ENTPD4: variants seen among roughly 807,000 people sequenced by gnomAD.
The protein encoded by ENTPD4 is ectonucleoside triphosphate diphosphohydrolase 4, also known as Golgi UDPase.
ENTPD4 carries 60 observed loss-of-function variants against 79.1 expected under a neutral mutation model. The ratio of observed to expected loss-of-function variants is 0.76; its 90% CI spans 0.62 to 0.94. The LOEUF is 0.94. Ranked by LOEUF, ENTPD4 falls within the 40% of genes least tolerant of loss-of-function variation. The pLI is 0.00. For missense variants in ENTPD4, 772 were observed against 775.1 expected, an observed-to-expected ratio of 1.00 and a Z score of 0.05; for synonymous variants, 276 against 292.0, an observed-to-expected ratio of 0.95 and a Z score of 0.56.
chr8:23,436,964 G>C lies in ENTPD4; in HGVS notation c.1344C>G (p.Tyr448Ter). The change falls in exon 10 of 13, where the codon TAC (tyrosine) becomes TAG (stop). Residue 448 changes from tyrosine (Y) to a stop codon, truncating the protein, a stop_gained. Transcript: ENST00000358689. LOFTEE classifies it high-confidence loss of function. ...CAGCTTTAGTAAATTTAGCAGCATT[G>C]TAGTCTCCCCCCATTCGTAACACAT... is the stretch of plus-strand genomic sequence containing the variant. ...TEDVLRMGGD[Y>*]NAAKFTKAAK... 1 of 1,608,044 alleles carries C rather than the reference G, an allele frequency of 6.2e-7. No individual in the cohort carries two copies. Among genetic ancestry groups the C allele is most frequent in the Non-Finnish European group, 8.5e-7 (1 of 1,176,972 alleles).
chr8:23,435,715 T>G (rs1216441547), intron 10 of ENTPD4, among the ~76,000 whole-genome samples: 4 of 152,216 alleles, frequency 2.6e-5, no homozygotes, highest in Non-Finnish European at 4.4e-5. Context: ...AGAGCTTTGC[T>G]GTCCACAACC....
At chr8:23,448,610 C>G (rs568441268) in intron 3 of ENTPD4, 132 bp downstream of exon 3, 1 of 727,648 alleles carries the variant, frequency 1.4e-6, no homozygotes, top group Non-Finnish European at 2.3e-6. Flanking sequence ...TTCCCAACCT[C>G]TAGAACAGTT....
Position 23,429,220 on chromosome 8 carries a change from C to G in ENTPD4, c.*3706G>C, listed in dbSNP as rs1800414485. On this transcript the variant is annotated 3_prime_UTR_variant, in exon 13 of 13. Coordinates refer to ENST00000358689, the MANE Select transcript of ENTPD4 (RefSeq NM_004901.5). ...AGTACCCAAGTGTGGCACTGTAAGG[C>G]TGCCACATACAGCAAGTGACATGAC... 4.1e-6 allele frequency: 4 copies of G among 985,112 alleles called. No individual in the cohort carries two copies. Among genetic ancestry groups the G allele is most frequent in the Non-Finnish European group, 4.8e-6 (4 of 829,656 alleles). The allele number at this position is 985,112 out of a possible 1,614,324, so 61.0% of individuals were successfully genotyped here.
intron 4 of ENTPD4, 72 bp from the exon 5 acceptor site, chr8:23,444,678 C>T: frequency 1.4e-6 from 2 of 1,385,182 alleles, no homozygotes; most frequent in Non-Finnish European, 2.0e-6. Context: ...TTCAGAGTGG[C>T]TAATTTTAGG....
intron 3 of ENTPD4, 148 bp downstream of exon 3, chr8:23,448,594 G>A (rs1800803263): frequency 6.1e-6 from 4 of 654,990 alleles, no homozygotes; most frequent in South Asian, 5.9e-5. Flanking sequence ...CACCTTGATC[G>A]TGGATTTCCC....
chr8:23,429,531 T>G lies in ENTPD4; in HGVS notation c.*3395A>C. ...CCGCAGAGAATTCTAAAGCTGATTTTTTTCTTAAAGGATGAAAAACTCATT... is the reference window on the plus strand; with the variant it reads ...CCGCAGAGAATTCTAAAGCTGATTTGTTTCTTAAAGGATGAAAAACTCATT... On this transcript the variant is annotated 3_prime_UTR_variant, in exon 13 of 13. Transcript: ENST00000358689. 1.0e-6 allele frequency: 1 copy of G among 985,458 alleles called. No individual in the cohort carries two copies. Among genetic ancestry groups the G allele is most frequent in the South Asian group, 4.7e-5 (1 of 21,292 alleles). 61.0% of individuals were successfully genotyped at this position (985,458 alleles called of 1,614,324 possible).
intron 1 of ENTPD4, among the ~76,000 whole-genome samples, chr8:23,456,415 GTC>G (rs1800959558): frequency 1.3e-5 from 2 of 152,184 alleles, no homozygotes; most frequent in African/African-American, 4.8e-5. Flanking sequence ...AATTGGAATC[GTC>G]TCTTTATTCA....
At chr8:23,446,522 C>T (rs535681779) in intron 4 of ENTPD4, among the ~76,000 whole-genome samples, 2 of 152,272 alleles carry the variant, frequency 1.3e-5, no homozygotes, top group Non-Finnish European at 2.9e-5. Context: ...AATCTTTGTT[C>T]ATGGAAATGT....
chr8:23,435,301 C>A, intron 11 of ENTPD4, 91 bp downstream of exon 11: 1 of 808,982 alleles, frequency 1.2e-6, no homozygotes, highest in Admixed American at 2.2e-5. Context: ...TGAGAAGAAG[C>A]TGGACTGAGG....
In ENTPD4 at chr8:23,441,551, A is replaced by G. The variant is rs749865131; in HGVS notation, c.882+18T>C. On this transcript the variant is annotated intron_variant, in intron 8 of 12. Coordinates refer to ENST00000358689, the MANE Select transcript of ENTPD4 (RefSeq NM_004901.5). ...TGAAAACCAAACCAAACAGAAGGAA[A>G]TTTGTACAGATAATGACCTGCTGTG... is the stretch of plus-strand genomic sequence containing the variant. 6.2e-7 allele frequency: 1 copy of G among 1,608,008 alleles called. No homozygotes were observed. The highest frequency in any genetic ancestry group is 8.5e-7 in the Non-Finnish European group (1 of 1,176,660).
chr8:23,429,613 G>A lies in ENTPD4; in HGVS notation c.*3313C>T, dbSNP rs1800420632. The A allele has an allele frequency of 2.0e-6, 2 of 985,410 alleles. No individual in the cohort carries two copies. Among genetic ancestry groups the A allele is most frequent in the East Asian group, 1.1e-4 (1 of 8,816 alleles). 61.0% of individuals were successfully genotyped at this position (985,410 alleles called of 1,614,324 possible). ...TGCTCCTTATAAGGAAAACTACTCT[G>A]TGTAGGCCTGAGTTTAAAATGTAAA... On this transcript the variant is annotated 3_prime_UTR_variant, in exon 13 of 13. Transcript: ENST00000358689.
rs896247614 is a variant in ENTPD4 at position 23,429,513 on chromosome 8, G to A, written c.*3413C>T. The stretch of plus-strand genomic sequence containing the variant: ...TGCATTGCACACAACTGACCGCAGA[G>A]AATTCTAAAGCTGATTTTTTTCTTA... On this transcript the variant is annotated 3_prime_UTR_variant, in exon 13 of 13. Transcript: ENST00000358689. The A allele has an allele frequency of 1.0e-6, 1 of 985,256 alleles. No homozygotes were observed. Among genetic ancestry groups the A allele is most frequent in the African/African-American group, 1.7e-5 (1 of 57,224 alleles). The allele number at this position is 985,256 out of a possible 1,614,324, so 61.0% of individuals were successfully genotyped here. A position where few individuals can be genotyped will look rare whatever the true frequency, so the allele number is the denominator to read the frequency against.
chr8:23,449,775 A>G (rs1184509647), intron 2 of ENTPD4, 118 bp downstream of exon 2: 1 of 914,066 alleles, frequency 1.1e-6, no homozygotes, highest in East Asian at 2.4e-5. Flanking sequence ...AAAGGTCTTA[A>G]ACAGAAGCAC....
At chr8:23,441,438 C>G in intron 8 of ENTPD4, 131 bp downstream of exon 8, 1 of 1,488,458 alleles carries the variant, frequency 6.7e-7, no homozygotes, top group Middle Eastern at 2.0e-4. Context: ...TCTCCTTTCT[C>G]CTGGGTTGAG....
At chr8:23,441,536 A>G in intron 8 of ENTPD4, 33 bp downstream of exon 8, 1 of 1,604,958 alleles carries the variant, frequency 6.2e-7, no homozygotes, top group African/African-American at 1.3e-5. Context: ...TGAAAACCAA[A>G]CCAAACAGAA....
intron 6 of ENTPD4, among the ~76,000 whole-genome samples, chr8:23,443,375 C>A (rs933471430): frequency 6.6e-6 from 1 of 152,192 alleles, no homozygotes; most frequent in Non-Finnish European, 1.5e-5. Context: ...TGACAGACGG[C>A]TTTTGAAATA....
intron 11 of ENTPD4, chr8:23,434,716 G>A: frequency 3.7e-6 from 5 of 1,338,872 alleles, no homozygotes; most frequent in Non-Finnish European, 4.8e-6. Context: ...CCCGGTCTCG[G>A]CATAATGTCA....
At chr8:23,441,440 T>A in intron 8 of ENTPD4, 129 bp downstream of exon 8, 1 of 1,490,910 alleles carries the variant, frequency 6.7e-7, no homozygotes, top group Non-Finnish European at 8.9e-7. Context: ...TCCTTTCTCC[T>A]GGGTTGAGAG....
In ENTPD4 at chr8:23,447,892, T is replaced by G; in HGVS notation, c.207-7A>C. On this transcript the variant is annotated splice_polypyrimidine_tract_variant and splice_region_variant and intron_variant, in intron 3 of 12. Transcript: ENST00000358689. ...GGTAACTCGTGCCAGGTACCTTGTA[T>G]AGAAACACACGTATGCTTTGATTTA... 6.2e-7 allele frequency: 1 copy of G among 1,611,296 alleles called. No homozygotes were observed. The highest frequency in any genetic ancestry group is 8.5e-7 in the Non-Finnish European group (1 of 1,177,358).
Sources: gnomAD v4.1 joint callset for allele counts (sites outside exome capture counted in the v4.1 genomes callset) on GRCh38, gnomAD v4.1.1 for gene constraint, MANE v1.5 for transcripts, NCBI Gene and HGNC (gene_info 2026-07-23, HGNC 2026-07-21) for gene names.